Variants in PDE4D observed in about 807,000 individuals in gnomAD.
PDE4D encodes phosphodiesterase 4D.
A neutral mutation model predicts 87.4 loss-of-function variants in PDE4D; 24 were observed. That is an observed-to-expected ratio of 0.27 (90% CI 0.20 to 0.39). The LOEUF (loss-of-function observed/expected upper bound fraction) is 0.39. Among genes scored for constraint, PDE4D ranks in the 10% least tolerant of loss-of-function variants. PDE4D has a pLI of 1.00. For synonymous variants in PDE4D, 384 were observed against 383.2 expected (o/e 1.00, Z -0.02); for missense variants, 714 against 1,041.0 (o/e 0.69, Z 4.32).
chr5:59,565,714 G>A (rs756825107), intron 1 of PDE4D, among the ~76,000 whole-genome samples: 42 of 152,214 alleles, frequency 2.8e-4, no homozygotes, highest in Non-Finnish European at 5.1e-4. Flanking sequence ...GGGCAAGGAA[G>A]TCCCTGGACA....
Position 59,893,355 on chromosome 5 carries a change from C to T in PDE4D, c.268G>A (p.Ala90Thr), listed in dbSNP as rs558790690. The T allele has an allele frequency of 7.4e-5, 95 of 1,276,538 alleles. No individual in the cohort carries two copies. The East Asian group carries it at 1.9e-3, about 26-fold the overall frequency. 79.1% of individuals were successfully genotyped at this position (1,276,538 alleles called of 1,614,324 possible). A position where few individuals can be genotyped will look rare whatever the true frequency, so the allele number is the denominator to read the frequency against. The change falls in exon 1 of 15, where the codon GCT (alanine) becomes ACT (threonine). Residue 90 changes from alanine (A) to threonine (T), a missense_variant. Physicochemically the swap from Ala to Thr is moderately conservative, Grantham distance 58. Coordinates refer to ENST00000340635, the MANE Select transcript of PDE4D (RefSeq NM_001104631.2). ...PLPPPPPPPG[A>T]ARGRYASSGA... ...CTCGAGGCGTAGCGGCCGCGGGCAG[C>T]CCCGGGCGGCGGCGGGGGCGGCGGC...
At chr5:59,401,029 A>T (rs1790515844) in intron 1 of PDE4D, among the ~76,000 whole-genome samples, 1 of 152,238 alleles carries the variant, frequency 6.6e-6, no homozygotes, top group African/African-American at 2.4e-5. Context: ...GACATGAGAT[A>T]GTGACTCCTT....
chr5:60,495,220 G>A (rs1246067400), intron 1 of PDE4D, among the ~76,000 whole-genome samples: 1 of 152,162 alleles, frequency 6.6e-6, no homozygotes, highest in Non-Finnish European at 1.5e-5. Flanking sequence ...TCAGTCCATG[G>A]TATTTTGTCT....
intron 3 of PDE4D, among the ~76,000 whole-genome samples, chr5:59,966,866 C>T (rs1035394597): frequency 6.6e-6 from 1 of 152,186 alleles, no homozygotes; most frequent in African/African-American, 2.4e-5. Flanking sequence ...ATCTAACTTA[C>T]TGTCCACTGT....
At chr5:60,407,977 C>T (rs1271613947) in intron 1 of PDE4D, among the ~76,000 whole-genome samples, 2 of 152,030 alleles carry the variant, frequency 1.3e-5, no homozygotes, top group Admixed American at 6.6e-5. Flanking sequence ...GTGTAGCTTC[C>T]GTCTTCTTTA....
chr5:59,019,590 C>A (rs34949154), intron 6 of PDE4D, among the ~76,000 whole-genome samples: 1 of 152,004 alleles, frequency 6.6e-6, no homozygotes, highest in Admixed American at 6.6e-5. Flanking sequence ...AGCAAACATA[C>A]AATAAAGCGA....
intron 5 of PDE4D, among the ~76,000 whole-genome samples, chr5:59,069,109 A>T (rs376347229): frequency 2.0e-5 from 3 of 152,334 alleles, no homozygotes; most frequent in African/African-American, 7.2e-5. Flanking sequence ...TGGAGCCTAA[A>T]GTTATCTAAA....
intron 1 of PDE4D, among the ~76,000 whole-genome samples, chr5:59,722,272 A>G (rs890672110): frequency 1.3e-5 from 2 of 152,220 alleles, no homozygotes; most frequent in African/African-American, 4.8e-5. Flanking sequence ...GATGCTTTTG[A>G]TCATATTAAT....
At chr5:59,087,846 C>A (rs1423730252) in intron 5 of PDE4D, among the ~76,000 whole-genome samples, 1 of 152,150 alleles carries the variant, frequency 6.6e-6, no homozygotes, top group Non-Finnish European at 1.5e-5. Flanking sequence ...TAACTAACTT[C>A]TCCTCATCCT....
intron 7 of PDE4D, 78 bp downstream of exon 7, chr5:58,993,294 T>G: frequency 1.4e-6 from 1 of 734,460 alleles, no homozygotes; most frequent in Non-Finnish European, 2.2e-6. Context: ...CAAAATGAGT[T>G]GGCACCCCAA....
At chr5:59,326,767 T>A (rs1775749469) in intron 1 of PDE4D, among the ~76,000 whole-genome samples, 1 of 152,134 alleles carries the variant, frequency 6.6e-6, no homozygotes, top group Admixed American at 6.6e-5. Flanking sequence ...AGATGTGTGA[T>A]CTTGCTTGGA....
intron 1 of PDE4D, among the ~76,000 whole-genome samples, chr5:59,256,949 T>A (rs1388457606): frequency 6.6e-6 from 1 of 152,074 alleles, no homozygotes; most frequent in South Asian, 2.1e-4. Context: ...ATCAACATAC[T>A]GTCAAGTGCA....
At chr5:60,128,264 G>A (rs1779282055) in intron 2 of PDE4D, among the ~76,000 whole-genome samples, 1 of 152,168 alleles carries the variant, frequency 6.6e-6, no homozygotes, top group African/African-American at 2.4e-5. Flanking sequence ...AATATAATAT[G>A]GATGCAACAC....
chr5:60,100,001 T>C (rs1776061696), intron 2 of PDE4D, among the ~76,000 whole-genome samples: 1 of 151,984 alleles, frequency 6.6e-6, no homozygotes, highest in South Asian at 2.1e-4. Context: ...AACTCAAATA[T>C]TCCCTGATAA....
chr5:60,495,030 G>C (rs192144421), intron 1 of PDE4D, among the ~76,000 whole-genome samples: 5 of 152,280 alleles, frequency 3.3e-5, no homozygotes, highest in Non-Finnish European at 1.5e-5. Flanking sequence ...TGGCCCCTGT[G>C]TCTTCCTCTC....
intron 2 of PDE4D, among the ~76,000 whole-genome samples, chr5:59,996,251 A>G (rs1763516849): frequency 6.6e-6 from 1 of 152,232 alleles, no homozygotes; most frequent in Non-Finnish European, 1.5e-5. Flanking sequence ...AGATAGGTCC[A>G]GGAAGAAGAC....
At chr5:59,332,725 GA>G (rs1478873215) in intron 1 of PDE4D, among the ~76,000 whole-genome samples, 1 of 152,168 alleles carries the variant, frequency 6.6e-6, no homozygotes, top group Non-Finnish European at 1.5e-5. Flanking sequence ...CACTCAAGAT[GA>G]CCATGTGTCA....
At chr5:60,400,521 CAAAAAAAAAAA>C (rs56750243) in intron 1 of PDE4D, among the ~76,000 whole-genome samples, 1 of 62,354 alleles carries the variant, frequency 1.6e-5, no homozygotes. Flanking sequence ...GACTCCATCT[CAAAAAAAAAAA>C]AAAAAAAAAA....
At chr5:59,912,390 C>A (rs565563183) in intron 3 of PDE4D, among the ~76,000 whole-genome samples, 2 of 152,318 alleles carry the variant, frequency 1.3e-5, no homozygotes, top group South Asian at 4.1e-4. Context: ...AAGCAGAAAG[C>A]ATTCTTGTCT....
Sources: allele counts gnomAD v4.1 joint callset (sites outside exome capture counted in the v4.1 genomes callset), GRCh38; gene constraint gnomAD v4.1.1; transcripts MANE v1.5; gene names NCBI Gene and HGNC (gene_info 2026-07-23, HGNC 2026-07-21).